RPS6KA1: variants seen among roughly 807,000 people sequenced by gnomAD.
RPS6KA1 encodes the protein ribosomal protein S6 kinase A1.
Under a neutral mutation model 91.3 loss-of-function variants are expected in RPS6KA1, and 48 were observed. That is an observed-to-expected ratio of 0.53 (90% CI 0.42 to 0.67). The LOEUF is 0.67. Among genes scored for constraint, RPS6KA1 ranks in the 30% least tolerant of loss-of-function variants. The pLI, the probability that RPS6KA1 is intolerant of heterozygous loss-of-function variation, is 0.00. For synonymous variants in RPS6KA1, 359 were observed against 384.7 expected, an observed-to-expected ratio of 0.93 and a Z score of 0.78; for missense variants, 719 against 960.5, an observed-to-expected ratio of 0.75 and a Z score of 3.32.
At chr1:26,549,874 G>C (rs1476144101) in intron 4 of RPS6KA1, among the ~76,000 whole-genome samples, 1 of 129,944 alleles carries the variant, frequency 7.7e-6, no homozygotes, top group African/African-American at 2.9e-5. Context: ...GCTAATTTTT[G>C]TATATATATT....
At chr1:26,548,940 A>G (rs1250375942) in intron 4 of RPS6KA1, among the ~76,000 whole-genome samples, 1 of 151,910 alleles carries the variant, frequency 6.6e-6, no homozygotes, top group East Asian at 1.9e-4. Flanking sequence ...GTGTGCTGAC[A>G]TAGAAGGTGT....
rs1570443898 is a variant in RPS6KA1, at chr1:26,555,253, A to G, written c.827+32A>G. The G allele has an allele frequency of 1.9e-6, 3 of 1,604,306 alleles. No homozygotes were observed. Among genetic ancestry groups the G allele is most frequent in the Non-Finnish European group, 2.6e-6 (3 of 1,172,114 alleles). On this transcript the variant is annotated intron_variant, in intron 10 of 21. Transcript: ENST00000374168. The surrounding 1 kb of genome is among the most constrained non-coding windows in gnomAD (Gnocchi z 4.3). ...CCCAGCCCTGCCCTGATAACAATGG[A>G]CTCCTCCAAGCCCCAGCCCCAGTTT...
Position 26,573,277 on chromosome 1 carries a change from G to A in RPS6KA1, c.2001G>A (p.Lys667=), listed in dbSNP as rs1323584425. 1 of 1,614,082 alleles carries A rather than the reference G, an allele frequency of 6.2e-7. No individual in the cohort carries two copies. ...ATCCCCACCAGCGCCTCACAGCTAA[G>A]CAGGTTCTGCAGCATCCATGGGTCA... ...HVDPHQRLTA[K]QVLQHPWVTQ... Residue 667 remains lysine, a synonymous_variant, in exon 21 of 22, where the codon AAG becomes AAA. Transcript: ENST00000374168.
Position 26,556,253 on chromosome 1 carries a change from T to A in RPS6KA1, c.917-401T>A, listed in dbSNP as rs1010432887. On this transcript the variant is annotated intron_variant, in intron 11 of 21. Transcript: ENST00000374168. Reference sequence around the variant, plus strand: ...TAAGGTCCAGTCAAGGCCCCTGGGGTCGAATGGAGTAACAGCCTGTCCTAT... The same window carrying A: ...TAAGGTCCAGTCAAGGCCCCTGGGGACGAATGGAGTAACAGCCTGTCCTAT... 2.1e-5 allele frequency: 5 copies of A among 232,638 alleles called. No individual in the cohort carries two copies. The Admixed American group carries it at 2.5e-4, about 12-fold the overall frequency. The allele number at this position is 232,638 out of a possible 1,614,324, so 14.4% of individuals were successfully genotyped here.
chr1:26,564,597 G>A (rs373903524), intron 17 of RPS6KA1, among the ~76,000 whole-genome samples: 4 of 152,232 alleles, frequency 2.6e-5, no homozygotes, highest in East Asian at 1.9e-4. Context: ...GTAACCGTCC[G>A]ATCTCCTTAT....
intron 1 of RPS6KA1, among the ~76,000 whole-genome samples, chr1:26,532,501 G>C (rs2075874932): frequency 6.6e-6 from 1 of 152,172 alleles, no homozygotes; most frequent in African/African-American, 2.4e-5. Context: ...GGTGGAAGGT[G>C]CTCCAAGAGA....
chr1:26,535,265 G>C (rs1302961910), intron 1 of RPS6KA1, among the ~76,000 whole-genome samples: 1 of 151,972 alleles, frequency 6.6e-6, no homozygotes, highest in Non-Finnish European at 1.5e-5. Context: ...GGGCATTAAA[G>C]GGGCTCAGGG....
chr1:26,533,909 C>T (rs867210563), intron 1 of RPS6KA1, among the ~76,000 whole-genome samples: 2 of 152,082 alleles, frequency 1.3e-5, no homozygotes, highest in African/African-American at 4.8e-5. Context: ...CACCCCACAA[C>T]CCCCCTGACC....
chr1:26,565,837 C>T (rs911379012), intron 17 of RPS6KA1, among the ~76,000 whole-genome samples: 2 of 152,190 alleles, frequency 1.3e-5, no homozygotes, highest in African/African-American at 4.8e-5. Flanking sequence ...GCTGGGATTA[C>T]AGGCGCGGCC....
At chr1:26,552,480 T>A (rs563672723) in intron 6 of RPS6KA1, among the ~76,000 whole-genome samples, 55 of 145,438 alleles carry the variant, frequency 3.8e-4, no homozygotes, top group African/African-American at 1.3e-3. Context: ...TTTTTTTTTT[T>A]AATTGTAATT....
At position 26,554,968 on chromosome 1, in the gene RPS6KA1, C is replaced by CCT. The variant is rs1459767311; in HGVS notation, c.757-182_757-181insTC. ...TGGCCTTCTCCCCAGCCTCGCGCCC[C>CCT]CACCGCTGCTCCTGGTGGTCTGGTT... On this transcript the variant is annotated intron_variant, in intron 9 of 21. Transcript: ENST00000374168. The surrounding 1 kb of genome is among the most constrained non-coding windows in gnomAD (Gnocchi z 4.6). 6.6e-6 allele frequency among the ~76,000 whole-genome samples: 1 copy of CCT among 152,202 alleles called. No homozygotes were observed. Among genetic ancestry groups the CCT allele is most frequent in the African/African-American group, 2.4e-5 (1 of 41,456 alleles).
chr1:26,530,597 TTG>T (rs969497899), intron 1 of RPS6KA1: 1 of 386,862 alleles, frequency 2.6e-6, no homozygotes, highest in African/African-American at 2.1e-5. Context: ...CCCTTAGACC[TTG>T]TGAAGATGAT....
chr1:26,567,673 C>T (rs1251104837), intron 17 of RPS6KA1, among the ~76,000 whole-genome samples: 1 of 152,204 alleles, frequency 6.6e-6, no homozygotes, highest in Non-Finnish European at 1.5e-5. Flanking sequence ...GCCACCATGC[C>T]TGGCCTGGTC....
In RPS6KA1 at chr1:26,551,626, C is replaced by T. The variant is rs1372153304; in HGVS notation, c.389-18C>T. ...AAGGCCGCGCCGACTCTACCATTGC[C>T]TTTCTCCCTCTTCCCAGCCTTCCAG... On this transcript the variant is annotated intron_variant, in intron 5 of 21. Transcript: ENST00000374168. The surrounding 1 kb of genome is among the most constrained non-coding windows in gnomAD (Gnocchi z 4.5). 2 of 1,613,290 alleles carry T rather than the reference C, an allele frequency of 1.2e-6. No individual in the cohort carries two copies. Among genetic ancestry groups the T allele is most frequent in the East Asian group, 2.2e-5 (1 of 44,864 alleles).
In RPS6KA1 at chr1:26,547,554, A is replaced by AGGCAT; in HGVS notation, c.307+285_307+289dup. 2.6e-6 allele frequency: 1 copy of AGGCAT among 383,432 alleles called. No homozygotes were observed. Among genetic ancestry groups the AGGCAT allele is most frequent in the Non-Finnish European group, 5.0e-6 (1 of 200,178 alleles). 23.8% of individuals were successfully genotyped at this position (383,432 alleles called of 1,614,324 possible). A position where few individuals can be genotyped will look rare whatever the true frequency, so the allele number is the denominator to read the frequency against. On this transcript the variant is annotated intron_variant, in intron 4 of 21. Transcript: ENST00000374168. This position sits in a 1 kb window ranked among gnomAD's most constrained non-coding sequence, Gnocchi z 4.1. ...CTCAACTACCAAGCTGGTCAAGCAGAGGCATTCTGACTGTTGATGCTAGAA... is the reference window on the plus strand; with the variant it reads ...CTCAACTACCAAGCTGGTCAAGCAGAGGCATGGCATTCTGACTGTTGATGCTAGAA...
Position 26,557,020 on chromosome 1 carries a change from A to T in RPS6KA1, c.1004A>T (p.Lys335Met). ...CAGAAGCTATACCGTCGTGAGATCA[A>T]GCCACCCTTCAAGCCAGCAGTGGCT... Reference protein sequence around the residue: ...DWNKLYRREIKPPFKPAVAQP... With the variant: ...DWNKLYRREIMPPFKPAVAQP... The change falls in exon 13 of 22, where the codon AAG becomes ATG. Residue 335 changes from lysine to methionine, a missense_variant. By Grantham distance (95) the Lys-to-Met change is moderately conservative. Coordinates refer to ENST00000374168, the MANE Select transcript of RPS6KA1 (RefSeq NM_002953.4). 1.9e-6 allele frequency: 3 copies of T among 1,613,926 alleles called. No homozygotes were observed. The highest frequency in any genetic ancestry group is 2.5e-6 in the Non-Finnish European group (3 of 1,179,908).
Position 26,554,769 on chromosome 1 carries a change from G to A in RPS6KA1, c.756+31G>A. 1 of 1,574,976 alleles carries A rather than the reference G, an allele frequency of 6.3e-7. No individual in the cohort carries two copies. On this transcript the variant is annotated intron_variant, in intron 9 of 21. Coordinates refer to ENST00000374168, the MANE Select transcript of RPS6KA1 (RefSeq NM_002953.4). The surrounding 1 kb of genome is among the most constrained non-coding windows in gnomAD (Gnocchi z 4.6). ...TGCCCAGACAGGGGTAAAGGATCCAGCCCAAGCCTCTGGCCTCAGTCTCCC... is the reference window on the plus strand; with the variant it reads ...TGCCCAGACAGGGGTAAAGGATCCAACCCAAGCCTCTGGCCTCAGTCTCCC...
At chr1:26,553,521 C>T (rs1227003513) in intron 7 of RPS6KA1, 24 bp downstream of exon 7, 3 of 1,514,278 alleles carry the variant, frequency 2.0e-6, no homozygotes, top group Non-Finnish European at 1.8e-6. Flanking sequence ...CCAGCCCCAC[C>T]CCAGCCTCCC....
chr1:26,544,766 G>A lies in RPS6KA1; in HGVS notation c.109-2101G>A, dbSNP rs185132807. 4.9e-4 allele frequency among the ~76,000 whole-genome samples: 73 copies of A among 148,696 alleles called. No homozygotes were observed. In the East Asian group the frequency reaches 0.014, roughly 28 times the overall value. On this transcript the variant is annotated intron_variant, in intron 2 of 21. Coordinates refer to ENST00000374168, the MANE Select transcript of RPS6KA1 (RefSeq NM_002953.4). ...TGGGATTACAGGCGTGAGCCACCACGCCCAGCCTGCCTGTTGGGTTTATGT... is the reference window on the plus strand; with the variant it reads ...TGGGATTACAGGCGTGAGCCACCACACCCAGCCTGCCTGTTGGGTTTATGT...
Sources: gnomAD v4.1 joint callset for allele counts (sites outside exome capture counted in the v4.1 genomes callset) on GRCh38, gnomAD v4.1.1 for gene constraint, Gnocchi (gnomAD v3.1) non-coding constraint, MANE v1.5 for transcripts, NCBI Gene and HGNC (gene_info 2026-07-23, HGNC 2026-07-21) for gene names.